NDRG1: variants seen among roughly 807,000 people sequenced by gnomAD.
NDRG1 encodes the protein N-myc downstream regulated 1.
NDRG1 carries 32 observed loss-of-function variants against 56.9 expected under a neutral mutation model. The ratio of observed to expected loss-of-function variants is 0.56; its 90% CI spans 0.42 to 0.76. The LOEUF is 0.76. NDRG1 is among the 30% of genes least tolerant of loss of function. NDRG1 has a pLI of 0.00. For missense variants in NDRG1, 507 were observed against 545.7 expected, an observed-to-expected ratio of 0.93 and a Z score of 0.71; for synonymous variants, 211 against 204.1, an observed-to-expected ratio of 1.03 and a Z score of -0.29.
chr8:133,256,311 C>T (rs770249043), intron 8 of NDRG1: 13 of 163,228 alleles, frequency 8.0e-5, no homozygotes, highest in Non-Finnish European at 1.6e-4. Context: ...TAATTATTAT[C>T]GTAAAATTCT....
Position 133,256,764 on chromosome 8 carries a change from G to GC in NDRG1, c.537+12dup. 6.2e-7 allele frequency: 1 copy of GC among 1,613,782 alleles called. No individual in the cohort carries two copies. Among genetic ancestry groups the GC allele is most frequent in the Non-Finnish European group, 8.5e-7 (1 of 1,179,854 alleles). ...TGCAGGGATCCCGCCGGCCTGACAG[G>GC]CCCCCACCTCACCTTGGAGGCGGCC... On this transcript the variant is annotated intron_variant, in intron 8 of 15. Transcript: ENST00000323851.
At chr8:133,290,649 G>C (rs865983669) in intron 1 of NDRG1, among the ~76,000 whole-genome samples, 1 of 152,176 alleles carries the variant, frequency 6.6e-6, no homozygotes, top group Non-Finnish European at 1.5e-5. Context: ...GGCTTTCAGC[G>C]TGTGGAGGTC....
At chr8:133,250,068 T>G (rs146930434) in intron 10 of NDRG1, among the ~76,000 whole-genome samples, 1 of 152,214 alleles carries the variant, frequency 6.6e-6, no homozygotes, top group Non-Finnish European at 1.5e-5. Context: ...GCCTGGATTA[T>G]CCCCGGCCTC....
In NDRG1 at chr8:133,264,692, T is replaced by A. The variant is rs143266148; in HGVS notation, c.100-40A>T. ...CAGACAGTGGGCTGGTCATGTGGGG[T>A]TCATGGCATCCGCGTGGCTGAAGAC... On this transcript the variant is annotated intron_variant, in intron 3 of 15. Transcript: ENST00000323851. The A allele has an allele frequency of 0.013, 19,583 of 1,556,786 alleles. 178 individuals carry two copies. The highest frequency in any genetic ancestry group is 0.03 in the Middle Eastern group (181 of 5,952).
At chr8:133,282,797 A>T (rs968556181) in intron 2 of NDRG1, among the ~76,000 whole-genome samples, 2 of 152,190 alleles carry the variant, frequency 1.3e-5, no homozygotes, top group Admixed American at 1.3e-4. Flanking sequence ...AATGCCTAAG[A>T]TATTTACTAT....
intron 3 of NDRG1, among the ~76,000 whole-genome samples, chr8:133,278,485 T>C (rs533622469): frequency 8.5e-5 from 13 of 152,116 alleles, no homozygotes; most frequent in African/African-American, 3.1e-4. Flanking sequence ...TCCTGCAACA[T>C]AGAGAGGAAC....
At chr8:133,296,190 G>C (rs1180640669) in intron 1 of NDRG1, among the ~76,000 whole-genome samples, 4 of 149,316 alleles carry the variant, frequency 2.7e-5, no homozygotes, top group African/African-American at 9.8e-5. Context: ...CAGGAACGTC[G>C]AAGTAATTCC....
chr8:133,245,068 C>G (rs1198239482), intron 13 of NDRG1, among the ~76,000 whole-genome samples: 1 of 152,096 alleles, frequency 6.6e-6, no homozygotes. Context: ...CATCCTACAG[C>G]CCAGGGCGCC....
intron 1 of NDRG1, chr8:133,296,543 C>T (rs1586513563): frequency 2.2e-6 from 1 of 456,104 alleles, no homozygotes. Flanking sequence ...GACTGAAGCG[C>T]CACCAGCCTC....
chr8:133,274,235 G>A (rs1301170055), intron 3 of NDRG1, among the ~76,000 whole-genome samples: 2 of 152,242 alleles, frequency 1.3e-5, no homozygotes, highest in Admixed American at 1.3e-4. Flanking sequence ...TCCAGAGACA[G>A]GCCACCCAGC....
intron 11 of NDRG1, among the ~76,000 whole-genome samples, chr8:133,248,284 C>A (rs906054334): frequency 2.0e-5 from 3 of 152,158 alleles, no homozygotes; most frequent in African/African-American, 7.2e-5. Context: ...CAACGCGGTG[C>A]ACTCAGCCAC....
At chr8:133,266,150 G>A (rs1307124688) in intron 3 of NDRG1, among the ~76,000 whole-genome samples, 4 of 152,206 alleles carry the variant, frequency 2.6e-5, no homozygotes, top group Admixed American at 1.3e-4. Flanking sequence ...AGAGTCACAC[G>A]GGCAGGCAGC....
intron 13 of NDRG1, 82 bp downstream of exon 13, chr8:133,246,534 T>C (rs1287616085): frequency 1.4e-6 from 2 of 1,440,292 alleles, no homozygotes; most frequent in African/African-American, 1.4e-5. Context: ...CTTGCCTTTT[T>C]CAAGCCTAAC....
chr8:133,239,701 C>CTCT (rs1433830593), intron 15 of NDRG1: 1 of 165,366 alleles, frequency 6.0e-6, no homozygotes, highest in African/African-American at 2.4e-5. Context: ...ACCTCAAATG[C>CTCT]TCTTGCACAT....
intron 3 of NDRG1, among the ~76,000 whole-genome samples, chr8:133,276,197 GGCAGCGCCTTA>G (rs1319899730): frequency 6.6e-6 from 1 of 152,128 alleles, no homozygotes; most frequent in Non-Finnish European, 1.5e-5. Context: ...TGTCCTAAGG[GGCAGCGCCTTA>G]GCCGACCCCA....
intron 10 of NDRG1, among the ~76,000 whole-genome samples, chr8:133,249,777 G>A (rs1373532304): frequency 1.3e-5 from 2 of 152,246 alleles, no homozygotes; most frequent in African/African-American, 4.8e-5. Flanking sequence ...TGTTACAAAT[G>A]TTAATTTCAA....
intron 3 of NDRG1, among the ~76,000 whole-genome samples, chr8:133,275,651 A>G (rs927805007): frequency 7.9e-5 from 12 of 152,190 alleles, no homozygotes; most frequent in African/African-American, 2.9e-4. Context: ...AAGCACCTAC[A>G]GAAGCTGGAA....
intron 1 of NDRG1, among the ~76,000 whole-genome samples, chr8:133,294,938 A>C (rs1322862451): frequency 6.6e-6 from 1 of 152,166 alleles, no homozygotes; most frequent in Non-Finnish European, 1.5e-5. Flanking sequence ...GGAGCCTCTC[A>C]CAAAGCTGAG....
At chr8:133,296,247 G>C (rs1376238532) in intron 1 of NDRG1, among the ~76,000 whole-genome samples, 1 of 151,920 alleles carries the variant, frequency 6.6e-6, no homozygotes, top group Non-Finnish European at 1.5e-5. Flanking sequence ...ACCAGAGGCA[G>C]GGGAGGGGAG....
Sources: gnomAD v4.1 joint callset for allele counts (sites outside exome capture counted in the v4.1 genomes callset) on GRCh38, gnomAD v4.1.1 for gene constraint, MANE v1.5 for transcripts, NCBI Gene and HGNC (gene_info 2026-07-23, HGNC 2026-07-21) for gene names.